Variants in SP100 observed in about 807,000 individuals in gnomAD.
SP100 encodes the protein SP100 nuclear body protein, also known as nuclear autoantigen Sp-100.
SP100 carries 84 observed loss-of-function variants against 130.0 expected under a neutral mutation model. The observed-to-expected ratio is 0.65, with a 90% CI of 0.54 to 0.77. The LOEUF (loss-of-function observed/expected upper bound fraction) is 0.77, where lower values mean the gene tolerates loss of function less well. Ranked by LOEUF, SP100 falls within the 30% of genes least tolerant of loss-of-function variation. The pLI is 0.00. For synonymous variants in SP100, 331 were observed against 351.7 expected, an observed-to-expected ratio of 0.94 and a Z score of 0.66; for missense variants, 978 against 1,052.2, an observed-to-expected ratio of 0.93 and a Z score of 0.97.
intron 8 of SP100, 103 bp from the exon 9 acceptor site, chr2:230,461,159 G>T (rs1464775639): frequency 1.8e-6 from 2 of 1,092,860 alleles, no homozygotes; most frequent in African/African-American, 3.2e-5. Flanking sequence ...GTGGGGTGAA[G>T]GTCTAGCCCC....
chr2:230,539,070 C>A (rs768661811), intron 24 of SP100, 197 bp from the exon 25 acceptor site: 9 of 410,414 alleles, frequency 2.2e-5, no homozygotes, highest in Non-Finnish European at 3.6e-5. Flanking sequence ...ATAAAGAAAA[C>A]TTTTCTGGCC....
rs2062916211 is a variant in SP100 at position 230,425,894 on chromosome 2, TA to T, written c.107+8231del. On this transcript the variant is annotated intron_variant, in intron 2 of 28. Transcript: ENST00000340126. ...CTAGCATAGCCAACTGGTTTTTCTT[TA>T]ATGGAAAGTTGTTTACTTATTCAAT... Among the ~76,000 whole-genome samples, 3 of 152,154 alleles carry T rather than the reference TA, an allele frequency of 2.0e-5. No individual in the cohort carries two copies. The South Asian group carries it at 6.2e-4, about 32-fold the overall frequency.
intron 19 of SP100, among the ~76,000 whole-genome samples, chr2:230,498,892 G>A (rs1024661201): frequency 2.6e-5 from 4 of 152,170 alleles, no homozygotes; most frequent in African/African-American, 9.7e-5. Flanking sequence ...CCATCACCAC[G>A]TGGTAATTGT....
At chr2:230,441,492 A>G (rs184066745) in intron 2 of SP100, among the ~76,000 whole-genome samples, 8 of 152,320 alleles carry the variant, frequency 5.3e-5, no homozygotes, top group African/African-American at 1.9e-4. Context: ...AACTCCAATG[A>G]CCATGAACAG....
chr2:230,486,048 A>G (rs919979538), intron 17 of SP100, among the ~76,000 whole-genome samples: 2 of 134,736 alleles, frequency 1.5e-5, no homozygotes, highest in Non-Finnish European at 3.1e-5. Context: ...GTAAAGATCT[A>G]CCTGAGACTG....
chr2:230,474,529 CT>C, intron 17 of SP100, 82 bp downstream of exon 17: 5 of 715,092 alleles, frequency 7.0e-6, no homozygotes, highest in Non-Finnish European at 9.7e-6. Context: ...TCATCATTTT[CT>C]TTTTTCAACT....
At chr2:230,510,871 C>CTGAG (rs1690539233) in intron 23 of SP100, 1 of 536,918 alleles carries the variant, frequency 1.9e-6, no homozygotes, top group African/African-American at 1.9e-5. Context: ...GCTCAGTCTC[C>CTGAG]CTGAATGGTT....
intron 24 of SP100, chr2:230,515,346 G>A: frequency 6.2e-7 from 1 of 1,613,846 alleles, no homozygotes; most frequent in Non-Finnish European, 8.5e-7. Flanking sequence ...TCTGCTCTGA[G>A]TATCGCCCAA....
intron 28 of SP100, among the ~76,000 whole-genome samples, chr2:230,542,583 CA>C (rs1449327292): frequency 2.0e-5 from 3 of 152,282 alleles, no homozygotes; most frequent in Admixed American, 6.5e-5. Context: ...AAAAATCACA[CA>C]AGTAGAATTT....
intron 23 of SP100, 105 bp downstream of exon 23, chr2:230,508,136 A>G: frequency 6.5e-7 from 1 of 1,529,364 alleles, no homozygotes; most frequent in Non-Finnish European, 8.8e-7. Context: ...ATAAAATTTG[A>G]TTTTATAATA....
chr2:230,532,913 T>A (rs1188662920), intron 24 of SP100, among the ~76,000 whole-genome samples: 1 of 152,204 alleles, frequency 6.6e-6, no homozygotes. Flanking sequence ...CCCCAGTAGC[T>A]GGGATTACAG....
rs767440486 is a variant in SP100 at position 230,544,385 on chromosome 2, A to G, written c.*1439A>G. The stretch of plus-strand genomic sequence containing the variant: ...AAATGGGAGAAAATATTTGCACACT[A>G]TGCATCTGACAAAGGTCTAATAGCC... On this transcript the variant is annotated 3_prime_UTR_variant, in exon 29 of 29. Coordinates refer to ENST00000340126, the MANE Select transcript of SP100 (RefSeq NM_001080391.2). 1.8e-4 allele frequency among the ~76,000 whole-genome samples: 27 copies of G among 152,236 alleles called. No individual in the cohort carries two copies. The highest frequency in any genetic ancestry group is 4.0e-4 in the Non-Finnish European group (27 of 68,056).
intron 2 of SP100, among the ~76,000 whole-genome samples, chr2:230,434,550 T>C (rs1314560707): frequency 6.6e-6 from 1 of 151,858 alleles, no homozygotes; most frequent in Non-Finnish European, 1.5e-5. Context: ...AAACAATAAA[T>C]ACACAAATAA....
intron 24 of SP100, chr2:230,515,539 A>G (rs767617387): frequency 6.2e-7 from 1 of 1,602,580 alleles, no homozygotes; most frequent in East Asian, 2.3e-5. Context: ...TTCAGCAAAA[A>G]AGAGAGTTGT....
intron 2 of SP100, among the ~76,000 whole-genome samples, chr2:230,425,480 T>G (rs1213935561): frequency 6.7e-6 from 1 of 148,872 alleles, no homozygotes; most frequent in Non-Finnish European, 1.5e-5. Context: ...ATGCTGAAGT[T>G]TTCAAATCCT....
chr2:230,492,318 G>T (rs187004911), intron 17 of SP100, among the ~76,000 whole-genome samples: 48 of 152,158 alleles, frequency 3.2e-4, no homozygotes, highest in African/African-American at 9.6e-4. Context: ...TTTTGGTTTG[G>T]TTTGGCTAGA....
At chr2:230,438,687 A>G (rs1417720296) in intron 2 of SP100, among the ~76,000 whole-genome samples, 1 of 150,490 alleles carries the variant, frequency 6.6e-6, no homozygotes, top group East Asian at 1.9e-4. Flanking sequence ...ACACACACAC[A>G]TATGGTATAT....
At chr2:230,542,315 A>G (rs997908554) in intron 28 of SP100, among the ~76,000 whole-genome samples, 1 of 152,210 alleles carries the variant, frequency 6.6e-6, no homozygotes, top group African/African-American at 2.4e-5. Flanking sequence ...AGTAGGCTGC[A>G]GACTCATTTG....
chr2:230,460,603 T>TATTCA (rs1276180756), intron 8 of SP100, among the ~76,000 whole-genome samples: 1 of 9,652 alleles, frequency 1.0e-4, no homozygotes, highest in African/African-American at 4.5e-4. Flanking sequence ...TTTTTTTTTT[T>TATTCA]TTTTTTTTTT....
Sources: gnomAD v4.1 joint callset for allele counts (sites outside exome capture counted in the v4.1 genomes callset) on GRCh38, gnomAD v4.1.1 for gene constraint, MANE v1.5 for transcripts, NCBI Gene and HGNC (gene_info 2026-07-23, HGNC 2026-07-21) for gene names.